RFX2: variants seen among roughly 807,000 people sequenced by gnomAD.
RFX2 encodes regulatory factor X2, also known as DNA-binding protein RFX2.
A neutral mutation model predicts 87.8 loss-of-function variants in RFX2; 20 were observed. The observed-to-expected ratio is 0.23, with a 90% CI of 0.16 to 0.33. The LOEUF (loss-of-function observed/expected upper bound fraction) is 0.33, where lower values mean the gene tolerates loss of function less well. Ranked by LOEUF, RFX2 falls within the 10% of genes least tolerant of loss-of-function variation. The pLI is 1.00. For synonymous variants in RFX2, 397 were observed against 431.3 expected (o/e 0.92, Z 0.98); for missense variants, 767 against 1,012.3 (o/e 0.76, Z 3.29).
At chr19:6,054,507 C>T (rs563241068) in intron 1 of RFX2, among the ~76,000 whole-genome samples, 1 of 152,174 alleles carries the variant, frequency 6.6e-6, no homozygotes, top group East Asian at 1.9e-4. Flanking sequence ...TCAAATTCAA[C>T]AATATATAAA....
At chr19:6,058,694 C>A (rs2087383755) in intron 1 of RFX2, among the ~76,000 whole-genome samples, 1 of 152,074 alleles carries the variant, frequency 6.6e-6, no homozygotes, top group Admixed American at 6.5e-5. Context: ...ATTCAAATTC[C>A]TTTTTCTTTT....
At chr19:6,087,087 C>A (rs2087865351) in intron 1 of RFX2, among the ~76,000 whole-genome samples, 1 of 152,024 alleles carries the variant, frequency 6.6e-6, no homozygotes, top group Non-Finnish European at 1.5e-5. Flanking sequence ...GATCTGTGGT[C>A]TTTAGAAGAA....
chr19:6,072,867 G>C (rs1482233168), intron 1 of RFX2: 1 of 1,301,796 alleles, frequency 7.7e-7, no homozygotes, highest in African/African-American at 1.5e-5. Context: ...TCGTCAAAAA[G>C]AGAACCAAGG....
intron 7 of RFX2, among the ~76,000 whole-genome samples, chr19:6,015,630 A>T (rs1030745381): frequency 6.6e-6 from 1 of 151,890 alleles, no homozygotes; most frequent in Non-Finnish European, 1.5e-5. Context: ...GTGAAATTAC[A>T]GGTGTGCAAA....
intron 1 of RFX2, chr19:6,072,709 A>G (rs2087625584): frequency 2.4e-6 from 1 of 414,302 alleles, no homozygotes; most frequent in Admixed American, 3.6e-5. Flanking sequence ...TGTCTCTCAA[A>G]AAAGAAACAT....
At position 6,020,553 on chromosome 19, in the gene RFX2, C is replaced by T. The variant is rs981171221; in HGVS notation, c.598-4282G>A. Among the ~76,000 whole-genome samples the T allele has an allele frequency of 6.6e-5, 10 of 152,200 alleles. No homozygotes were observed. The highest frequency in any genetic ancestry group is 1.7e-4 in the African/African-American group (7 of 41,462). On this transcript the variant is annotated intron_variant, in intron 6 of 17. Transcript: ENST00000303657. This position sits in a 1 kb window ranked among gnomAD's most constrained non-coding sequence, Gnocchi z 5.3. The stretch of plus-strand genomic sequence containing the variant: ...AGCAGGCTGGGAGCCACTTATGCAC[C>T]GGGCCTTCCCATCCCTCGGTGCTGG...
intron 1 of RFX2, among the ~76,000 whole-genome samples, chr19:6,069,725 A>G (rs1477520158): frequency 6.6e-6 from 1 of 152,200 alleles, no homozygotes; most frequent in East Asian, 1.9e-4. Flanking sequence ...GAGGAGCTCC[A>G]GGGGAAAAGT....
chr19:6,093,657 G>A (rs965233047), intron 1 of RFX2, among the ~76,000 whole-genome samples: 4 of 151,794 alleles, frequency 2.6e-5, no homozygotes, highest in Admixed American at 2.0e-4. Context: ...AAAGATACAG[G>A]CTAAATATTA....
At chr19:6,033,988 C>T (rs1478478843) in intron 5 of RFX2, among the ~76,000 whole-genome samples, 5 of 152,136 alleles carry the variant, frequency 3.3e-5, no homozygotes, top group Admixed American at 6.5e-5. Flanking sequence ...GCAAATAATT[C>T]GCTCTGATCA....
intron 1 of RFX2, among the ~76,000 whole-genome samples, chr19:6,107,491 C>T (rs2088235704): frequency 6.6e-6 from 1 of 151,550 alleles, no homozygotes; most frequent in Non-Finnish European, 1.5e-5. Flanking sequence ...GGGGTGCATG[C>T]CTGTAATCCC....
chr19:6,060,134 C>T (rs573365628), intron 1 of RFX2, among the ~76,000 whole-genome samples: 46 of 152,182 alleles, frequency 3.0e-4, no homozygotes, highest in Non-Finnish European at 3.4e-4. Flanking sequence ...CATGCCCCTG[C>T]CATGCTGTCT....
intron 1 of RFX2, among the ~76,000 whole-genome samples, chr19:6,076,637 A>G (rs1463906200): frequency 6.6e-6 from 1 of 152,242 alleles, no homozygotes; most frequent in African/African-American, 2.4e-5. Context: ...TGGCCAGCCC[A>G]GCACACGGAA....
In RFX2 at chr19:6,020,570, C is replaced by T. The variant is rs1172533625; in HGVS notation, c.598-4299G>A. Among the ~76,000 whole-genome samples, 2 of 152,196 alleles carry T rather than the reference C, an allele frequency of 1.3e-5. No individual in the cohort carries two copies. The highest frequency in any genetic ancestry group is 4.8e-5 in the African/African-American group (2 of 41,452). On this transcript the variant is annotated intron_variant, in intron 6 of 17. Coordinates refer to ENST00000303657, the MANE Select transcript of RFX2 (RefSeq NM_000635.4). This position sits in a 1 kb window ranked among gnomAD's most constrained non-coding sequence, Gnocchi z 5.3. The stretch of plus-strand genomic sequence containing the variant: ...TTATGCACCGGGCCTTCCCATCCCT[C>T]GGTGCTGGAGCCCACACCTGGCGGC...
At chr19:6,078,998 A>C (rs2087737265) in intron 1 of RFX2, among the ~76,000 whole-genome samples, 1 of 152,036 alleles carries the variant, frequency 6.6e-6, no homozygotes, top group Non-Finnish European at 1.5e-5. Flanking sequence ...CTGGTCTCGA[A>C]CTCCTGACCT....
rs2088185690 is a variant in RFX2, at chr19:6,104,735, G to T, written c.-9+5658C>A. Among the ~76,000 whole-genome samples the T allele has an allele frequency of 2.6e-5, 4 of 152,174 alleles. No homozygotes were observed. The South Asian group carries it at 8.3e-4, about 32-fold the overall frequency. On this transcript the variant is annotated intron_variant, in intron 1 of 17. Transcript: ENST00000303657. ...CTCTCAACTCTTCATTTCTACATAT[G>T]CTTTCCCCATAAGTGTCAAGGAAAC...
chr19:6,055,053 G>T (rs2144794322), intron 1 of RFX2, among the ~76,000 whole-genome samples: 1 of 152,128 alleles, frequency 6.6e-6, no homozygotes, highest in South Asian at 2.1e-4. Context: ...TTAAAAAAAT[G>T]GTACTTCACA....
chr19:6,103,028 G>A (rs2088151994), intron 1 of RFX2, among the ~76,000 whole-genome samples: 2 of 151,920 alleles, frequency 1.3e-5, no homozygotes, highest in South Asian at 4.2e-4. Context: ...ATGCACACAC[G>A]TCCAAAAAAA....
At chr19:6,042,151 G>A (rs774088156) in intron 3 of RFX2, 28 bp from the exon 4 acceptor site, 33 of 1,602,954 alleles carry the variant, frequency 2.1e-5, no homozygotes, top group South Asian at 4.4e-5. Flanking sequence ...CTGCGTTACC[G>A]CCAGTCACGC....
rs1218733363 is a variant in RFX2, at chr19:6,044,533, T to C, written c.91-251A>G. On this transcript the variant is annotated intron_variant, in intron 2 of 17. Coordinates refer to ENST00000303657, the MANE Select transcript of RFX2 (RefSeq NM_000635.4). The surrounding 1 kb of genome is among the most constrained non-coding windows in gnomAD (Gnocchi z 5.3). ...CAAGTGTGCACATACACTCAGCCCATGCACCACACATATGCACGAATTGTG... is the reference window on the plus strand; with the variant it reads ...CAAGTGTGCACATACACTCAGCCCACGCACCACACATATGCACGAATTGTG... Among the ~76,000 whole-genome samples, 1 of 152,204 alleles carries C rather than the reference T, an allele frequency of 6.6e-6. No homozygotes were observed. The highest frequency in any genetic ancestry group is 1.9e-4 in the East Asian group (1 of 5,198).
Sources: gnomAD v4.1 joint callset for allele counts (sites outside exome capture counted in the v4.1 genomes callset) on GRCh38, gnomAD v4.1.1 for gene constraint, Gnocchi (gnomAD v3.1) non-coding constraint, MANE v1.5 for transcripts, NCBI Gene and HGNC (gene_info 2026-07-23, HGNC 2026-07-21) for gene names.